The following ACAA2 variants were observed in gnomAD, a reference collection of about 807,000 sequenced individuals.
The protein encoded by ACAA2 is 3-ketoacyl-CoA thiolase, mitochondrial.
Under a neutral mutation model 44.8 loss-of-function variants are expected in ACAA2, and 35 were observed. That is an observed-to-expected ratio of 0.78 (90% CI 0.60 to 1.04). ACAA2 has a LOEUF of 1.04. ACAA2 is among the 50% of genes least tolerant of loss of function. The pLI, the probability that ACAA2 is intolerant of heterozygous loss-of-function variation, is 0.00. For synonymous variants in ACAA2, 142 were observed against 166.5 expected, an observed-to-expected ratio of 0.85 and a Z score of 1.13; for missense variants, 468 against 482.6, an observed-to-expected ratio of 0.97 and a Z score of 0.28.
intron 8 of ACAA2, 21 bp from the exon 9 acceptor site, chr18:49,785,372 A>G: frequency 6.2e-7 from 1 of 1,610,904 alleles, no homozygotes. Context: ...AAATTAGAGC[A>G]CTAACAAAAA....
chr18:49,797,909 C>T (rs549850725), intron 2 of ACAA2, among the ~76,000 whole-genome samples: 1 of 152,064 alleles, frequency 6.6e-6, no homozygotes, highest in South Asian at 2.1e-4. Flanking sequence ...GTTGTGTAAC[C>T]ACAGTCAATT....
intron 1 of ACAA2, among the ~76,000 whole-genome samples, chr18:49,803,553 A>G (rs2023580722): frequency 6.6e-6 from 1 of 152,114 alleles, no homozygotes; most frequent in Non-Finnish European, 1.5e-5. Context: ...TCTTTAATCC[A>G]GTGTCTGAGG....
At chr18:49,794,591 G>A (rs1043218412) in intron 4 of ACAA2, among the ~76,000 whole-genome samples, 164 bp from the exon 5 acceptor site, 3 of 152,008 alleles carry the variant, frequency 2.0e-5, no homozygotes, top group Non-Finnish European at 4.4e-5. Context: ...TTAAAAACAT[G>A]CAATGTTTTT....
intron 1 of ACAA2, among the ~76,000 whole-genome samples, chr18:49,810,684 G>GT (rs960967901): frequency 2.6e-5 from 4 of 151,272 alleles, no homozygotes; most frequent in Middle Eastern, 3.4e-3. Context: ...TTTGGTTTGG[G>GT]TTTTTTTTGT....
At chr18:49,809,405 A>G (rs1160077123) in intron 1 of ACAA2, among the ~76,000 whole-genome samples, 1 of 152,208 alleles carries the variant, frequency 6.6e-6, no homozygotes, top group Non-Finnish European at 1.5e-5. Context: ...ATGTCCATGA[A>G]ATCTTCACAA....
intron 7 of ACAA2, among the ~76,000 whole-genome samples, chr18:49,789,250 C>A (rs1268380073): frequency 6.6e-6 from 1 of 152,174 alleles, no homozygotes; most frequent in Non-Finnish European, 1.5e-5. Flanking sequence ...AATCATGGAA[C>A]TGAGAACCAC....
intron 1 of ACAA2, among the ~76,000 whole-genome samples, chr18:49,803,936 G>A (rs1374302356): frequency 1.4e-5 from 2 of 143,242 alleles, no homozygotes; most frequent in Non-Finnish European, 3.0e-5. Context: ...TGGAGACAGA[G>A]TTTTGCTCTT....
At chr18:49,797,733 A>G (rs2023481583) in intron 2 of ACAA2, 139 bp from the exon 3 acceptor site, 5 of 588,392 alleles carry the variant, frequency 8.5e-6, no homozygotes, top group Non-Finnish European at 1.4e-5. Context: ...AATGCATCTA[A>G]GTACAGCATA....
Position 49,795,807 on chromosome 18 carries a change from G to C in ACAA2, c.387C>G (p.Val129=), listed in dbSNP as rs2143960597. ...GCTTGGTTCCAAAACGCACATTTCT[G>C]ACACAGTAGGGAGCTTGGCTCATGC... ...TESMSQAPYC[V]RNVRFGTKLG... The change falls in exon 4 of 10, where the codon GTC becomes GTG. Residue 129 remains valine (V), a synonymous_variant. Coordinates refer to ENST00000285093, the MANE Select transcript of ACAA2 (RefSeq NM_006111.3). 2 of 1,610,686 alleles carry C rather than the reference G, an allele frequency of 1.2e-6. No individual in the cohort carries two copies. Among genetic ancestry groups the C allele is most frequent in the East Asian group, 4.5e-5 (2 of 44,734 alleles).
intron 1 of ACAA2, among the ~76,000 whole-genome samples, chr18:49,804,312 T>C (rs150515038): frequency 1.5e-3 from 221 of 152,316 alleles, no homozygotes; most frequent in African/African-American, 5.2e-3. Context: ...GATAGAGATG[T>C]AGTTTCTAGA....
intron 1 of ACAA2, among the ~76,000 whole-genome samples, chr18:49,811,814 G>GA (rs2023672650): frequency 6.6e-6 from 1 of 151,860 alleles, no homozygotes; most frequent in Admixed American, 6.6e-5. Context: ...TAAGGAAATG[G>GA]AAAAAAATAC....
In ACAA2 at chr18:49,782,539, T is replaced by G; in HGVS notation, c.*1308A>C. On this transcript the variant is annotated 3_prime_UTR_variant, in exon 10 of 10. Coordinates refer to ENST00000285093, the MANE Select transcript of ACAA2 (RefSeq NM_006111.3). ...ATTCTGCCTGGGTGACAGAGCAAGA[T>G]GCTATCTCAAAAAAAAAAAAAAAAG... is the stretch of plus-strand genomic sequence containing the variant. 7.7e-6 allele frequency: 1 copy of G among 129,830 alleles called. No individual in the cohort carries two copies. The highest frequency in any genetic ancestry group is 8.5e-5 in the Admixed American group (1 of 11,740). The allele number at this position is 129,830 out of a possible 1,614,324, so 8.0% of individuals were successfully genotyped here.
At chr18:49,784,482 T>C (rs534717938) in intron 9 of ACAA2, among the ~76,000 whole-genome samples, 55 of 152,336 alleles carry the variant, frequency 3.6e-4, no homozygotes, top group African/African-American at 1.3e-3. Flanking sequence ...ACTCCTAATA[T>C]GATGACTTCG....
At chr18:49,803,566 T>A (rs896863829) in intron 1 of ACAA2, among the ~76,000 whole-genome samples, 1 of 152,022 alleles carries the variant, frequency 6.6e-6, no homozygotes, top group Admixed American at 6.5e-5. Context: ...GTCTGAGGAG[T>A]TTTGACTGTG....
intron 1 of ACAA2, among the ~76,000 whole-genome samples, chr18:49,806,701 T>A (rs1202248401): frequency 6.6e-6 from 1 of 152,186 alleles, no homozygotes; most frequent in Non-Finnish European, 1.5e-5. Flanking sequence ...ACAAGGATTT[T>A]AAAATAGCAT....
At chr18:49,808,201 C>T (rs1157826377) in intron 1 of ACAA2, among the ~76,000 whole-genome samples, 1 of 152,164 alleles carries the variant, frequency 6.6e-6, no homozygotes, top group African/African-American at 2.4e-5. Flanking sequence ...ACACTGACAA[C>T]ACCAAACACT....
intron 1 of ACAA2, among the ~76,000 whole-genome samples, chr18:49,804,834 T>C (rs1233556955): frequency 1.3e-5 from 2 of 152,142 alleles, no homozygotes; most frequent in East Asian, 1.9e-4. Flanking sequence ...TATACAAATA[T>C]ATGATTATGA....
rs907358687 is a variant in ACAA2, at chr18:49,792,249, A to G, written c.656T>C (p.Val219Ala). ...GGTTTGGGGCCGAGCATGCTCGTCT[A>G]CCTGCATTGTCTGTTTTCCTTTCTT... ...KTKKGKQTMQ[V>A]DEHARPQTTL... The change falls in exon 6 of 10, where the codon GTA becomes GCA. Residue 219 changes from valine to alanine, a missense_variant. By Grantham distance (64) the Val-to-Ala change is moderately conservative. Transcript: ENST00000285093. 21 of 1,613,766 alleles carry G rather than the reference A, an allele frequency of 1.3e-5. No individual in the cohort carries two copies. Among genetic ancestry groups the G allele is most frequent in the Admixed American group, 1.2e-4 (7 of 60,002 alleles).
chr18:49,810,325 A>G (rs2023655055), intron 1 of ACAA2, among the ~76,000 whole-genome samples: 1 of 152,210 alleles, frequency 6.6e-6, no homozygotes, highest in Non-Finnish European at 1.5e-5. Flanking sequence ...AAAAATATAT[A>G]AAGCATCCAG....
Sources: gnomAD v4.1 joint callset for allele counts (sites outside exome capture counted in the v4.1 genomes callset) on GRCh38, gnomAD v4.1.1 for gene constraint, MANE v1.5 for transcripts, NCBI Gene and HGNC (gene_info 2026-07-23, HGNC 2026-07-21) for gene names.